Variants in DPP10 observed in about 807,000 individuals in gnomAD.
DPP10 encodes the protein inactive dipeptidyl peptidase 10.
DPP10 carries 33 observed loss-of-function variants against 120.9 expected under a neutral mutation model. The observed-to-expected ratio is 0.27, with a 90% CI of 0.21 to 0.37. The LOEUF (loss-of-function observed/expected upper bound fraction) is 0.37, where lower values mean the gene tolerates loss of function less well. Among genes scored for constraint, DPP10 ranks in the 10% least tolerant of loss-of-function variants. The pLI is 1.00. For synonymous variants in DPP10, 337 were observed against 326.1 expected (o/e 1.03, Z -0.36); for missense variants, 816 against 942.8 (o/e 0.87, Z 1.76).
At chr2:115,647,035 G>A (rs1473043842) in intron 5 of DPP10, among the ~76,000 whole-genome samples, 1 of 152,150 alleles carries the variant, frequency 6.6e-6, no homozygotes, top group South Asian at 2.1e-4. Context: ...ACATTGGGAT[G>A]AAACAAAAGT....
intron 1 of DPP10, chr2:114,833,293 A>AG (rs1687304184): frequency 6.6e-6 from 1 of 151,278 alleles, no homozygotes. Flanking sequence ...AAAAAAAAAA[A>AG]CTAAATTGAT....
intron 1 of DPP10, among the ~76,000 whole-genome samples, chr2:114,652,668 T>A (rs1001143625): frequency 1.3e-5 from 2 of 152,210 alleles, no homozygotes; most frequent in Non-Finnish European, 2.9e-5. Context: ...GCTTGTCGAA[T>A]TTTATGCTCT....
chr2:115,553,256 A>G (rs1482216211), intron 5 of DPP10, among the ~76,000 whole-genome samples: 1 of 152,046 alleles, frequency 6.6e-6, no homozygotes, highest in African/African-American at 2.4e-5. Flanking sequence ...AAATTATGGA[A>G]TTACACCATA....
chr2:115,424,642 A>G (rs115915380), intron 3 of DPP10, among the ~76,000 whole-genome samples: 1,910 of 152,180 alleles, frequency 0.013, 35 homozygotes, highest in African/African-American at 0.041. Context: ...TATTTTTAAA[A>G]TATATATAGA....
At position 115,665,479 on chromosome 2, in the gene DPP10, TAAG is replaced by T. The variant is rs372817213; in HGVS notation, c.442-24204_442-24202del. On this transcript the variant is annotated intron_variant, in intron 5 of 25. Coordinates refer to ENST00000410059, the MANE Select transcript of DPP10 (RefSeq NM_020868.6). ...ACCTTAGGTTTATTGAAATTTAAAA[TAAG>T]AAGCCAAACTTTTACTCATTTCCAA... Among the ~76,000 whole-genome samples the T allele has an allele frequency of 1.9e-3, 291 of 152,290 alleles. 2 individuals carry two copies. Among genetic ancestry groups the T allele is most frequent in the Non-Finnish European group, 3.0e-3 (204 of 68,002 alleles).
chr2:114,597,073 G>A (rs1296748557), intron 1 of DPP10, among the ~76,000 whole-genome samples: 1 of 152,002 alleles, frequency 6.6e-6, no homozygotes, highest in Non-Finnish European at 1.5e-5. Flanking sequence ...CTTAACTAAA[G>A]GTGGCTCAGA....
intron 1 of DPP10, among the ~76,000 whole-genome samples, chr2:115,203,763 A>G: frequency 6.6e-6 from 1 of 152,074 alleles, no homozygotes; most frequent in Middle Eastern, 3.2e-3. Context: ...TCCCTGTCCA[A>G]ACACAAAATA....
At chr2:115,315,129 A>G (rs547561836) in intron 2 of DPP10, among the ~76,000 whole-genome samples, 13 of 152,034 alleles carry the variant, frequency 8.6e-5, no homozygotes, top group East Asian at 1.9e-4. Flanking sequence ...TAGCCTTACT[A>G]TGTGCCCACA....
intron 2 of DPP10, among the ~76,000 whole-genome samples, chr2:115,338,355 TAA>T (rs1186878122): frequency 6.6e-6 from 1 of 152,104 alleles, no homozygotes; most frequent in East Asian, 1.9e-4. Context: ...TATGTTTATA[TAA>T]AAGAGTCTGG....
At chr2:115,639,305 A>AT (rs938528214) in intron 5 of DPP10, among the ~76,000 whole-genome samples, 1 of 152,188 alleles carries the variant, frequency 6.6e-6, no homozygotes, top group Admixed American at 6.5e-5. Flanking sequence ...AGGAAAGGGT[A>AT]TTGGGAAATG....
intron 1 of DPP10, among the ~76,000 whole-genome samples, chr2:115,206,944 T>G (rs2056175461): frequency 6.6e-6 from 1 of 152,222 alleles, no homozygotes; most frequent in African/African-American, 2.4e-5. Context: ...CTAATAGAAC[T>G]AGAAACAGAA....
intron 5 of DPP10, among the ~76,000 whole-genome samples, chr2:115,657,183 A>G (rs1242616571): frequency 1.3e-5 from 2 of 151,908 alleles, no homozygotes; most frequent in East Asian, 3.9e-4. Context: ...AAATTTATTT[A>G]AAAATTTGAA....
intron 1 of DPP10, among the ~76,000 whole-genome samples, chr2:114,961,260 G>A (rs1331207131): frequency 6.6e-6 from 1 of 151,850 alleles, no homozygotes; most frequent in East Asian, 1.9e-4. Context: ...CTCCATGTTG[G>A]TCAGGCTGGT....
intron 5 of DPP10, among the ~76,000 whole-genome samples, chr2:115,539,480 A>T (rs1157809626): frequency 6.6e-6 from 1 of 151,944 alleles, no homozygotes; most frequent in Non-Finnish European, 1.5e-5. Flanking sequence ...ATAATTGTCC[A>T]TCACAGGCAT....
intron 19 of DPP10, among the ~76,000 whole-genome samples, chr2:115,797,873 A>G (rs958117486): frequency 1.1e-4 from 16 of 151,944 alleles, no homozygotes; most frequent in Non-Finnish European, 1.5e-5. Context: ...AGATAAATTT[A>G]TAGATAATGC....
chr2:114,457,368 A>G (rs527978153), intron 1 of DPP10, among the ~76,000 whole-genome samples: 31 of 152,254 alleles, frequency 2.0e-4, no homozygotes, highest in African/African-American at 7.2e-4. Context: ...TGACAATGAA[A>G]GGCCTCCAGA....
chr2:114,923,868 A>G (rs996010026), intron 1 of DPP10, among the ~76,000 whole-genome samples: 3 of 152,042 alleles, frequency 2.0e-5, no homozygotes, highest in Admixed American at 6.6e-5. Context: ...TTTTGGTGTC[A>G]TATCTAAGAA....
At chr2:115,788,137 G>T (rs1683543921) in intron 17 of DPP10, among the ~76,000 whole-genome samples, 2 of 150,152 alleles carry the variant, frequency 1.3e-5, no homozygotes, top group Admixed American at 1.3e-4. Context: ...GCTGAAGGAA[G>T]ATGAAAACAC....
At chr2:114,705,743 G>A (rs1269906230) in intron 1 of DPP10, among the ~76,000 whole-genome samples, 3 of 152,130 alleles carry the variant, frequency 2.0e-5, no homozygotes, top group Admixed American at 1.3e-4. Flanking sequence ...TACCAGCTAG[G>A]ATGCTATCAG....
Sources: gnomAD v4.1 joint callset for allele counts (sites outside exome capture counted in the v4.1 genomes callset) on GRCh38, gnomAD v4.1.1 for gene constraint, MANE v1.5 for transcripts, NCBI Gene and HGNC (gene_info 2026-07-23, HGNC 2026-07-21) for gene names.